DCAF10: variants seen among roughly 807,000 people sequenced by gnomAD.
DCAF10 encodes DDB1- and CUL4-associated factor 10.
In DCAF10, 19 loss-of-function variants were observed where a neutral mutation model predicts 51.9. The ratio of observed to expected loss-of-function variants is 0.37; its 90% confidence interval spans 0.26 to 0.54. The LOEUF (loss-of-function observed/expected upper bound fraction) is 0.54, where lower values mean the gene tolerates loss of function less well. Ranked by LOEUF, DCAF10 falls within the 20% of genes least tolerant of loss-of-function variation. DCAF10 has a pLI of 0.87. For missense variants in DCAF10, 510 were observed against 730.6 expected (o/e 0.70, Z 3.48); for synonymous variants, 291 against 297.1 (o/e 0.98, Z 0.21).
rs547401481 is a variant in DCAF10, at chr9:37,804,958, A to T, written c.539+3553A>T. On this transcript the variant is annotated intron_variant, in intron 1 of 6. Transcript: ENST00000377724. Reference sequence around the variant, plus strand: ...TTCTTTGTCCTTGCCAAGAACAAAGATGAAATAAATACATATTCAGACAAG... The same window carrying T: ...TTCTTTGTCCTTGCCAAGAACAAAGTTGAAATAAATACATATTCAGACAAG... Among the ~76,000 whole-genome samples the T allele has an allele frequency of 1.7e-3, 260 of 152,322 alleles. 1 individual carries two copies. The highest frequency in any genetic ancestry group is 5.6e-3 in the African/African-American group (231 of 41,574).
At position 37,801,032 on chromosome 9, in the gene DCAF10, C is replaced by A. The variant is rs755556944; in HGVS notation, c.166C>A (p.Arg56Ser). The A allele has an allele frequency of 6.5e-7, 1 of 1,537,612 alleles. No homozygotes were observed. The highest frequency in any genetic ancestry group is 8.7e-7 in the Non-Finnish European group (1 of 1,151,898). ...HPPPPARSPR[R>S]PGAPSLSPAP... ...CCCTCCACCCGCCCGAAGCCCTCGC[C>A]GCCCCGGCGCCCCATCGCTGTCCCC... The change falls in exon 1 of 7, where the codon CGC becomes AGC. Residue 56 changes from arginine (R) to serine (S), a missense_variant. By Grantham distance (110) the Arg-to-Ser change is moderately radical. Around this residue, in one of 4 missense-constraint regions of DCAF10, gnomAD observed 251 missense variants for 227.9 expected, o/e 1.10. Transcript: ENST00000377724. The surrounding 1 kb of genome is among the most constrained non-coding windows in gnomAD (Gnocchi z 5.5).
At chr9:37,814,492 C>T (rs1247935086) in intron 1 of DCAF10, among the ~76,000 whole-genome samples, 92 of 151,024 alleles carry the variant, frequency 6.1e-4, no homozygotes, top group Non-Finnish European at 3.0e-5. Flanking sequence ...TGTTGCCAGG[C>T]TGATCTCAAA....
rs1268959150 is a variant in DCAF10 at position 37,842,327 on chromosome 9, CA to C, written c.851+42del. 3.8e-6 allele frequency: 6 copies of C among 1,565,342 alleles called. No individual in the cohort carries two copies. The East Asian group carries it at 9.0e-5, about 24-fold the overall frequency. On this transcript the variant is annotated intron_variant, in intron 3 of 6. Transcript: ENST00000377724. ...ACCATGTTAGGATTATGAACAAAAA[CA>C]TTTTTTTTAAAGATGGTGAACAAAT... is the stretch of plus-strand genomic sequence containing the variant.
chr9:37,846,344 A>G (rs758049817), intron 3 of DCAF10, among the ~76,000 whole-genome samples: 29 of 152,212 alleles, frequency 1.9e-4, no homozygotes, highest in Non-Finnish European at 4.3e-4. Flanking sequence ...ACAGAAATTA[A>G]AAGGATTAAT....
At chr9:37,834,280 T>A (rs1200246951) in intron 2 of DCAF10, among the ~76,000 whole-genome samples, 1 of 152,086 alleles carries the variant, frequency 6.6e-6, no homozygotes, top group Non-Finnish European at 1.5e-5. Context: ...CAACTTCCAA[T>A]ATCAAAGTTT....
At chr9:37,804,775 TA>T (rs879802609) in intron 1 of DCAF10, among the ~76,000 whole-genome samples, 154 of 141,766 alleles carry the variant, frequency 1.1e-3, no homozygotes, top group Admixed American at 1.1e-3. Flanking sequence ...AAACTCCATT[TA>T]AAAAAAAAAA....
intron 3 of DCAF10, among the ~76,000 whole-genome samples, chr9:37,851,880 T>C (rs190010988): frequency 1.4e-5 from 2 of 147,106 alleles, no homozygotes; most frequent in East Asian, 3.9e-4. Context: ...AATGAAAAGA[T>C]AGAAAATATA....
rs899414290 is a variant in DCAF10 at position 37,824,365 on chromosome 9, G to A, written c.653+4964G>A. 2.0e-5 allele frequency among the ~76,000 whole-genome samples: 3 copies of A among 151,976 alleles called. No homozygotes were observed. In the South Asian group the frequency reaches 6.2e-4, roughly 32 times the overall value. Reference sequence around the variant, plus strand: ...TTAAGGCCCTCTTCATGTTCAAGAGGAAGATAAAAATATTAAGTAATTCAG... The same window carrying A: ...TTAAGGCCCTCTTCATGTTCAAGAGAAAGATAAAAATATTAAGTAATTCAG... On this transcript the variant is annotated intron_variant, in intron 2 of 6. Transcript: ENST00000377724.
At chr9:37,833,325 C>A (rs1019945022) in intron 2 of DCAF10, among the ~76,000 whole-genome samples, 18 of 152,136 alleles carry the variant, frequency 1.2e-4, no homozygotes, top group African/African-American at 4.3e-4. Flanking sequence ...TCCCAATAAA[C>A]CCATTGTCAG....
rs751626270 is a variant in DCAF10, at chr9:37,854,776, G to A, written c.852-4G>A. ...AGATTTTGTTGGCTTGGTTTCTCCTGTAGGTATACAGAAGATGGGTGTCCA... is the reference window on the plus strand; with the variant it reads ...AGATTTTGTTGGCTTGGTTTCTCCTATAGGTATACAGAAGATGGGTGTCCA... On this transcript the variant is annotated splice_region_variant and splice_polypyrimidine_tract_variant and intron_variant, in intron 3 of 6. Coordinates refer to ENST00000377724, the MANE Select transcript of DCAF10 (RefSeq NM_024345.5). The A allele has an allele frequency of 1.2e-6, 2 of 1,612,946 alleles. No homozygotes were observed. Among genetic ancestry groups the A allele is most frequent in the African/African-American group, 2.7e-5 (2 of 74,856 alleles).
In DCAF10 at chr9:37,864,141, A is replaced by T. The variant is rs945997765; in HGVS notation, c.*2633A>T. ...TCTCTACCAAAAATACAAAAATTAG[A>T]TGGGCATGTTGGTACACGCCTGTAG... On this transcript the variant is annotated 3_prime_UTR_variant, in exon 7 of 7. Transcript: ENST00000377724. 3.9e-5 allele frequency: 6 copies of T among 152,230 alleles called. No homozygotes were observed. The highest frequency in any genetic ancestry group is 1.4e-4 in the African/African-American group (6 of 41,508). 9.4% of individuals were successfully genotyped at this position (152,230 alleles called of 1,614,324 possible).
At chr9:37,814,990 C>T (rs1327827792) in intron 1 of DCAF10, among the ~76,000 whole-genome samples, 1 of 151,772 alleles carries the variant, frequency 6.6e-6, no homozygotes, top group African/African-American at 2.4e-5. Context: ...CTGAATCTAG[C>T]AATGAGGTAA....
chr9:37,812,152 C>T (rs1009438751), intron 1 of DCAF10, among the ~76,000 whole-genome samples: 1 of 143,140 alleles, frequency 7.0e-6, no homozygotes, highest in Non-Finnish European at 1.6e-5. Context: ...TGCATTCCAG[C>T]GCCACCACAC....
Position 37,801,777 on chromosome 9 carries a change from C to T in DCAF10, c.539+372C>T, listed in dbSNP as rs1828957525. The stretch of plus-strand genomic sequence containing the variant: ...CGCTTTCTCCCCATCATCCTAGGCT[C>T]GCGTTTTCCTACCTAAACCTGTGTC... On this transcript the variant is annotated intron_variant, in intron 1 of 6. Coordinates refer to ENST00000377724, the MANE Select transcript of DCAF10 (RefSeq NM_024345.5). The surrounding 1 kb of genome is among the most constrained non-coding windows in gnomAD (Gnocchi z 5.5). Among the ~76,000 whole-genome samples, 1 of 152,166 alleles carries T rather than the reference C, an allele frequency of 6.6e-6. No individual in the cohort carries two copies. Among genetic ancestry groups the T allele is most frequent in the Admixed American group, 6.5e-5 (1 of 15,278 alleles).
rs1018448126 is a variant in DCAF10 at position 37,863,976 on chromosome 9, T to TA, written c.*2474dup. The TA allele has an allele frequency of 2.0e-5, 3 of 152,132 alleles. No homozygotes were observed. The highest frequency in any genetic ancestry group is 7.2e-5 in the African/African-American group (3 of 41,424). The allele number at this position is 152,132 out of a possible 1,614,324, so 9.4% of individuals were successfully genotyped here. A position where few individuals can be genotyped will look rare whatever the true frequency, so the allele number is the denominator to read the frequency against. ...ATACATATACTTACCATACATTTTG[T>TA]AAAAAACACATTTTTTAAAGAAAAT... is the stretch of plus-strand genomic sequence containing the variant. On this transcript the variant is annotated 3_prime_UTR_variant, in exon 7 of 7. Coordinates refer to ENST00000377724, the MANE Select transcript of DCAF10 (RefSeq NM_024345.5).
At chr9:37,834,805 T>TTTTTTTTTG (rs1830105599) in intron 2 of DCAF10, among the ~76,000 whole-genome samples, 2 of 152,030 alleles carry the variant, frequency 1.3e-5, no homozygotes, top group Non-Finnish European at 2.9e-5. Context: ...TTTTTTTTTT[T>TTTTTTTTTG]GAGACAGGGT....
At chr9:37,853,068 C>T (rs962247891) in intron 3 of DCAF10, among the ~76,000 whole-genome samples, 2 of 147,668 alleles carry the variant, frequency 1.4e-5, no homozygotes, top group African/African-American at 5.1e-5. Context: ...AGGAGAATCG[C>T]TTAAACCCAG....
chr9:37,818,109 C>T lies in DCAF10; in HGVS notation c.540-1179C>T, dbSNP rs111229036. On this transcript the variant is annotated intron_variant, in intron 1 of 6. Coordinates refer to ENST00000377724, the MANE Select transcript of DCAF10 (RefSeq NM_024345.5). Reference sequence around the variant, plus strand: ...CTGGGTTCAAGCGATTCTCCTGCCTCAGCCTCCCAAGTAGCTGGGACTACA... The same window carrying T: ...CTGGGTTCAAGCGATTCTCCTGCCTTAGCCTCCCAAGTAGCTGGGACTACA... Among the ~76,000 whole-genome samples, 17 of 152,182 alleles carry T rather than the reference C, an allele frequency of 1.1e-4. 2 individuals carry two copies. Among genetic ancestry groups the T allele is most frequent in the African/African-American group, 4.1e-4 (17 of 41,506 alleles).
At chr9:37,855,433 T>G (rs1283071616) in intron 4 of DCAF10, among the ~76,000 whole-genome samples, 1 of 152,212 alleles carries the variant, frequency 6.6e-6, no homozygotes, top group African/African-American at 2.4e-5. Context: ...GCTGGTGCCA[T>G]CTTATCTCAT....
Sources: gnomAD v4.1 joint callset for allele counts (sites outside exome capture counted in the v4.1 genomes callset) on GRCh38, gnomAD v4.1.1 for gene constraint, gnomAD v4.1.1 regional missense constraint, Gnocchi (gnomAD v3.1) non-coding constraint, MANE v1.5 for transcripts, NCBI Gene and HGNC (gene_info 2026-07-23, HGNC 2026-07-21) for gene names.